Variants in PDZRN4 observed in about 807,000 individuals in gnomAD.
The protein encoded by PDZRN4 is PDZ domain containing ring finger 4, also known as PDZ domain-containing RING finger protein 4.
In PDZRN4, 70 loss-of-function variants were observed where a neutral mutation model predicts 99.0. The ratio of observed to expected loss-of-function variants is 0.71; its 90% confidence interval spans 0.58 to 0.86. PDZRN4 has a LOEUF of 0.86. Among genes scored for constraint, PDZRN4 ranks in the 40% least tolerant of loss-of-function variants. PDZRN4 has a pLI of 0.00. For synonymous variants in PDZRN4, 551 were observed against 501.6 expected (o/e 1.10, Z -1.32); for missense variants, 1,474 against 1,331.2 (o/e 1.11, Z -1.67).
At position 41,536,666 on chromosome 12, in the gene PDZRN4, G is replaced by C. The variant is rs1401445001; in HGVS notation, c.1204-15990G>C. ...GGATGTTGATAATAGAAAAGGCTATGTATGTGTGAAAGAAGGATGGAAAAT... is the reference window on the plus strand; with the variant it reads ...GGATGTTGATAATAGAAAAGGCTATCTATGTGTGAAAGAAGGATGGAAAAT... On this transcript the variant is annotated intron_variant, in intron 5 of 9. Coordinates refer to ENST00000402685, the MANE Select transcript of PDZRN4 (RefSeq NM_001164595.2). 3.3e-5 allele frequency among the ~76,000 whole-genome samples: 5 copies of C among 150,714 alleles called. No individual in the cohort carries two copies. The South Asian group carries it at 1.1e-3, about 32-fold the overall frequency.
At chr12:41,476,945 T>C (rs1937608060) in intron 3 of PDZRN4, among the ~76,000 whole-genome samples, 1 of 152,214 alleles carries the variant, frequency 6.6e-6, no homozygotes, top group Non-Finnish European at 1.5e-5. Flanking sequence ...GTTTTGTTAT[T>C]CTGCAGTCCC....
At chr12:41,263,256 A>G (rs990861978) in intron 3 of PDZRN4, among the ~76,000 whole-genome samples, 12 of 152,182 alleles carry the variant, frequency 7.9e-5, no homozygotes, top group African/African-American at 2.9e-4. Flanking sequence ...GTATTCACTT[A>G]AAGAAAATGA....
rs1270988622 is a variant in PDZRN4 at position 41,572,870 on chromosome 12, A to G, written c.2091A>G (p.Gly697=). Reference sequence around the variant, plus strand: ...TCCAGAAAGTGACAGACCAGTATGGAGACATCTGGACATTGCATGATGGAG... The same window carrying G: ...TCCAGAAAGTGACAGACCAGTATGGGGACATCTGGACATTGCATGATGGAG... ...HRLQKVTDQY[G]DIWTLHDGGF... is the part of the protein sequence containing the mutation. The change falls in exon 10 of 10, where the codon GGA becomes GGG. Residue 697 remains glycine (G), a synonymous_variant. Coordinates refer to ENST00000402685, the MANE Select transcript of PDZRN4 (RefSeq NM_001164595.2). The G allele has an allele frequency of 6.2e-7, 1 of 1,614,144 alleles. No individual in the cohort carries two copies. Among genetic ancestry groups the G allele is most frequent in the Non-Finnish European group, 8.5e-7 (1 of 1,179,996 alleles).
chr12:41,269,515 A>G (rs1951299813), intron 3 of PDZRN4, among the ~76,000 whole-genome samples: 1 of 152,188 alleles, frequency 6.6e-6, no homozygotes, highest in African/African-American at 2.4e-5. Context: ...GAGAGAAAAC[A>G]ACACTTCTGA....
chr12:41,271,172 G>C (rs1021263582), intron 3 of PDZRN4, among the ~76,000 whole-genome samples: 5 of 151,644 alleles, frequency 3.3e-5, no homozygotes, highest in Non-Finnish European at 5.9e-5. Context: ...TTGAATGACT[G>C]TATCTAGAGA....
At chr12:41,341,577 A>G (rs952940967) in intron 3 of PDZRN4, among the ~76,000 whole-genome samples, 1 of 151,962 alleles carries the variant, frequency 6.6e-6, no homozygotes, top group South Asian at 2.1e-4. Context: ...AGAGGAAATC[A>G]ATGAAACAAT....
chr12:41,331,585 C>A (rs988697681), intron 3 of PDZRN4, among the ~76,000 whole-genome samples: 3 of 152,028 alleles, frequency 2.0e-5, no homozygotes, highest in Non-Finnish European at 4.4e-5. Context: ...TGGCATTCAG[C>A]GATTTCTATT....
intron 3 of PDZRN4, among the ~76,000 whole-genome samples, chr12:41,200,803 T>C (rs1950810204): frequency 6.6e-6 from 1 of 152,160 alleles, no homozygotes; most frequent in Non-Finnish European, 1.5e-5. Flanking sequence ...CTTTCTGTCT[T>C]TCTTATTCCC....
intron 3 of PDZRN4, among the ~76,000 whole-genome samples, chr12:41,456,335 AGAAT>A (rs1329377471): frequency 1.5e-5 from 2 of 137,634 alleles, no homozygotes; most frequent in Non-Finnish European, 3.1e-5. Context: ...AATTTATAAA[AGAAT>A]GAATGGTTGT....
intron 3 of PDZRN4, among the ~76,000 whole-genome samples, chr12:41,463,615 G>A (rs759272001): frequency 1.3e-5 from 2 of 152,044 alleles, no homozygotes; most frequent in African/African-American, 2.4e-5. Flanking sequence ...CAGATGTAAA[G>A]CACCATAAAA....
chr12:41,344,200 T>C (rs1951837248), intron 3 of PDZRN4, among the ~76,000 whole-genome samples: 1 of 152,140 alleles, frequency 6.6e-6, no homozygotes, highest in Non-Finnish European at 1.5e-5. Flanking sequence ...TAAATTATAT[T>C]TTCAACTTGA....
At chr12:41,310,927 C>G (rs1951602550) in intron 3 of PDZRN4, among the ~76,000 whole-genome samples, 1 of 152,014 alleles carries the variant, frequency 6.6e-6, no homozygotes, top group South Asian at 2.1e-4. Context: ...AGAGTTAAAT[C>G]TCATGAGCAT....
chr12:41,400,531 A>G (rs1952282018), intron 3 of PDZRN4, among the ~76,000 whole-genome samples: 1 of 152,120 alleles, frequency 6.6e-6, no homozygotes, highest in Non-Finnish European at 1.5e-5. Context: ...TTTTCTTCTC[A>G]TATGAAAATA....
intron 3 of PDZRN4, among the ~76,000 whole-genome samples, chr12:41,277,188 A>G (rs1951354646): frequency 6.6e-6 from 1 of 152,220 alleles, no homozygotes; most frequent in Non-Finnish European, 1.5e-5. Context: ...ATGAGCGTGC[A>G]CAGGAATTTT....
intron 3 of PDZRN4, among the ~76,000 whole-genome samples, chr12:41,302,244 A>G (rs1484604034): frequency 6.6e-6 from 1 of 152,074 alleles, no homozygotes; most frequent in Admixed American, 6.6e-5. Flanking sequence ...GTTTAATCTT[A>G]AAAATTTGTG....
chr12:41,366,220 G>T (rs1369818015), intron 3 of PDZRN4, among the ~76,000 whole-genome samples: 1 of 152,130 alleles, frequency 6.6e-6, no homozygotes, highest in East Asian at 1.9e-4. Flanking sequence ...TTAAAAGGTA[G>T]TTAAATAAGT....
chr12:41,306,487 A>G (rs1489028331), intron 3 of PDZRN4, among the ~76,000 whole-genome samples: 1 of 152,084 alleles, frequency 6.6e-6, no homozygotes, highest in Non-Finnish European at 1.5e-5. Context: ...CATCCCCTTC[A>G]GTTCTAGCTG....
At chr12:41,474,836 T>C (rs904347188) in intron 3 of PDZRN4, among the ~76,000 whole-genome samples, 1 of 152,114 alleles carries the variant, frequency 6.6e-6, no homozygotes, top group Non-Finnish European at 1.5e-5. Flanking sequence ...ATATGAAACA[T>C]AGGTGTGAAA....
intron 3 of PDZRN4, among the ~76,000 whole-genome samples, chr12:41,322,612 T>C (rs1162636154): frequency 6.9e-6 from 1 of 144,392 alleles, no homozygotes; most frequent in Admixed American, 7.3e-5. Context: ...TGCCCCAGCC[T>C]CCTGAGTAGC....
Sources: allele counts gnomAD v4.1 joint callset (sites outside exome capture counted in the v4.1 genomes callset), GRCh38; gene constraint gnomAD v4.1.1; transcripts MANE v1.5; gene names NCBI Gene and HGNC (gene_info 2026-07-23, HGNC 2026-07-21).